VOPP1: variants seen among roughly 807,000 people sequenced by gnomAD.
VOPP1 encodes VOPP1 WW domain binding protein.
In VOPP1, 8 loss-of-function variants were observed where a neutral mutation model predicts 23.5. The ratio of observed to expected loss-of-function variants is 0.34; its 90% confidence interval spans 0.20 to 0.61. The LOEUF (loss-of-function observed/expected upper bound fraction) is 0.61. Among genes scored for constraint, VOPP1 ranks in the 20% least tolerant of loss-of-function variants. The pLI, the probability that VOPP1 is intolerant of heterozygous loss-of-function variation, is 0.78. For synonymous variants in VOPP1, 83 were observed against 97.3 expected (o/e 0.85, Z 0.86); for missense variants, 174 against 238.1 (o/e 0.73, Z 1.77).
rs1430404951 is a variant in VOPP1 at position 55,462,741 on chromosome 7, C to T, written n.418-26567G>A. 2.7e-5 allele frequency among the ~76,000 whole-genome samples: 4 copies of T among 146,598 alleles called. No individual in the cohort carries two copies. The South Asian group carries it at 6.4e-4, about 23-fold the overall frequency. On this transcript the variant is annotated intron_variant and non_coding_transcript_variant, in intron 4 of 4. Coordinates refer to the VOPP1 transcript ENST00000462326. ...CGGGATCTCGGCTCACTGCAAGCTCCGCCTCCCGGGTTCACGCCATTCTCC... is the reference window on the plus strand; with the variant it reads ...CGGGATCTCGGCTCACTGCAAGCTCTGCCTCCCGGGTTCACGCCATTCTCC...
chr7:55,505,440 T>G, intron 2 of VOPP1, among the ~76,000 whole-genome samples: 1 of 150,362 alleles, frequency 6.7e-6, no homozygotes, highest in Non-Finnish European at 1.5e-5. Flanking sequence ...ACTCTAGGAG[T>G]GCGCAGAAAA....
At chr7:55,487,066 C>T (rs916532717) in intron 4 of VOPP1, among the ~76,000 whole-genome samples, 1 of 152,226 alleles carries the variant, frequency 6.6e-6, no homozygotes, top group Non-Finnish European at 1.5e-5. Flanking sequence ...ACGCTTATTC[C>T]ACCAGTTCTG....
intron 1 of VOPP1, among the ~76,000 whole-genome samples, chr7:55,540,391 T>C (rs1257206292): frequency 7.4e-6 from 1 of 136,000 alleles, no homozygotes. Context: ...AGTGAGACTC[T>C]GTCTCAAAAA....
chr7:55,436,399 A>AAAT (rs1790822632), intron 4 of VOPP1, among the ~76,000 whole-genome samples: 1 of 152,210 alleles, frequency 6.6e-6, no homozygotes, highest in Admixed American at 6.5e-5. Context: ...TTTAAATGAC[A>AAAT]AATGGGAAAA....
intron 2 of VOPP1, among the ~76,000 whole-genome samples, chr7:55,514,585 T>C (rs985360872): frequency 2.0e-5 from 3 of 152,162 alleles, no homozygotes; most frequent in Admixed American, 2.0e-4. Flanking sequence ...ACAGAAGGTA[T>C]AAAAATCAGC....
chr7:55,482,453 C>G (rs1353112671), intron 4 of VOPP1, among the ~76,000 whole-genome samples: 2 of 147,416 alleles, frequency 1.4e-5, no homozygotes. Flanking sequence ...GTAGCTGGGA[C>G]TACAGGCACC....
downstream of VOPP1, among the ~76,000 whole-genome samples, chr7:55,466,502 G>T (rs571247051): frequency 6.6e-6 from 1 of 152,244 alleles, no homozygotes; most frequent in East Asian, 1.9e-4. Context: ...AGAGGCTCGG[G>T]GACTGAGGGG....
chr7:55,531,890 C>G (rs1166099242), intron 1 of VOPP1, among the ~76,000 whole-genome samples: 1 of 152,214 alleles, frequency 6.6e-6, no homozygotes, highest in East Asian at 1.9e-4. Flanking sequence ...TCTTGGCCAG[C>G]AGATCCAAAA....
chr7:55,525,247 T>C (rs1239284395), intron 1 of VOPP1, among the ~76,000 whole-genome samples: 1 of 151,966 alleles, frequency 6.6e-6, no homozygotes, highest in African/African-American at 2.4e-5. Flanking sequence ...TCCCAGCACT[T>C]TGGGAGGCCG....
At chr7:55,535,939 C>T (rs1313972340) in intron 1 of VOPP1, among the ~76,000 whole-genome samples, 2 of 152,128 alleles carry the variant, frequency 1.3e-5, no homozygotes, top group African/African-American at 2.4e-5. Context: ...TCCTTGATGA[C>T]GACCGACTCT....
intron 4 of VOPP1, among the ~76,000 whole-genome samples, chr7:55,445,262 C>G (rs1247021712): frequency 7.5e-5 from 7 of 92,720 alleles, no homozygotes; most frequent in African/African-American, 2.0e-4. Flanking sequence ...CACACACACA[C>G]AGACATACAC....
chr7:55,541,926 G>A (rs1797148917), intron 1 of VOPP1, among the ~76,000 whole-genome samples: 1 of 152,218 alleles, frequency 6.6e-6, no homozygotes, highest in African/African-American at 2.4e-5. Flanking sequence ...AGAATCAGGA[G>A]TGACTGCTAA....
At chr7:55,525,147 G>A (rs2129043647) in intron 1 of VOPP1, among the ~76,000 whole-genome samples, 1 of 152,200 alleles carries the variant, frequency 6.6e-6, no homozygotes, top group African/African-American at 2.4e-5. Flanking sequence ...ACTGCAACCT[G>A]CCAGCCACAC....
intron 4 of VOPP1, among the ~76,000 whole-genome samples, chr7:55,488,990 C>T (rs1225623271): frequency 6.6e-6 from 1 of 152,264 alleles, no homozygotes; most frequent in Non-Finnish European, 1.5e-5. Context: ...GCCCCCAGGG[C>T]CCATGCCACA....
chr7:55,447,089 G>A (rs1308423939), intron 4 of VOPP1, among the ~76,000 whole-genome samples: 1 of 152,186 alleles, frequency 6.6e-6, no homozygotes, highest in African/African-American at 2.4e-5. Flanking sequence ...CTCCAGTGTG[G>A]AGTTCTATGT....
At chr7:55,468,283 A>G (rs868554706), downstream of VOPP1, among the ~76,000 whole-genome samples, 4 of 150,738 alleles carry the variant, frequency 2.7e-5, no homozygotes, top group East Asian at 1.9e-4. Context: ...AAAAAAAAAA[A>G]AAAAAGAAAA....
chr7:55,453,701 A>C (rs1348526913), intron 4 of VOPP1, among the ~76,000 whole-genome samples: 1 of 152,212 alleles, frequency 6.6e-6, no homozygotes. Context: ...TTAATGAAAA[A>C]GTTTGAAATA....
intron 1 of VOPP1, chr7:55,552,729 C>T (rs775949422): frequency 1.0e-4 from 160 of 1,534,696 alleles, no homozygotes; most frequent in Non-Finnish European, 1.3e-4. Context: ...GGAGTCTGGT[C>T]GCCAGGTTGC....
intron 4 of VOPP1, among the ~76,000 whole-genome samples, chr7:55,449,996 T>A (rs1201386366): frequency 6.6e-6 from 1 of 152,308 alleles, no homozygotes; most frequent in South Asian, 2.1e-4. Context: ...TGCGGTTGGA[T>A]GAGAAGCCAG....
Sources: allele counts gnomAD v4.1 joint callset (sites outside exome capture counted in the v4.1 genomes callset), GRCh38; gene constraint gnomAD v4.1.1; transcripts MANE v1.5; gene names NCBI Gene and HGNC (gene_info 2026-07-23, HGNC 2026-07-21).